CFAP46: variants seen among roughly 807,000 people sequenced by gnomAD.
CFAP46 encodes cilia- and flagella-associated protein 46.
In CFAP46, 245 loss-of-function variants were observed where a neutral mutation model predicts 325.7. That is an observed-to-expected ratio of 0.75 (90% CI 0.68 to 0.84). The LOEUF (loss-of-function observed/expected upper bound fraction) is 0.84. Ranked by LOEUF, CFAP46 falls within the 40% of genes least tolerant of loss-of-function variation. The pLI, the probability that CFAP46 is intolerant of heterozygous loss-of-function variation, is 0.00. For synonymous variants in CFAP46, 1,523 were observed against 1,495.9 expected (o/e 1.02, Z -0.42); for missense variants, 3,346 against 3,543.0 (o/e 0.94, Z 1.41).
chr10:132,910,159 C>G lies in CFAP46; in HGVS notation c.2500-91G>C, dbSNP rs145384274. On this transcript the variant is annotated intron_variant, in intron 19 of 57. Coordinates refer to ENST00000368586, the MANE Select transcript of CFAP46 (RefSeq NM_001200049.3). ...GAACCATTAAAAGATGGATGGAGCC[C>G]GCTCCTGATCCAGCCCGTGAAGGGC... 4 of 1,218,574 alleles carry G rather than the reference C, an allele frequency of 3.3e-6. No individual in the cohort carries two copies. The South Asian group carries it at 9.6e-5, about 29-fold the overall frequency. 75.5% of individuals were successfully genotyped at this position (1,218,574 alleles called of 1,614,324 possible). A position where few individuals can be genotyped will look rare whatever the true frequency, so the allele number is the denominator to read the frequency against.
Position 132,876,538 on chromosome 10 carries a change from C to A in CFAP46, c.4362+274G>T, listed in dbSNP as rs1393481637. Among the ~76,000 whole-genome samples, 1 of 152,172 alleles carries A rather than the reference C, an allele frequency of 6.6e-6. No homozygotes were observed. The highest frequency in any genetic ancestry group is 2.4e-5 in the African/African-American group (1 of 41,448). ...GGGGATCAATTTCTGTTGTTTTAAC[C>A]ATGCGGTTGTGGGAGCTTGTCATGA... On this transcript the variant is annotated intron_variant, in intron 31 of 57. Transcript: ENST00000368586. The surrounding 1 kb of genome is among the most constrained non-coding windows in gnomAD (Gnocchi z 4.1).
At chr10:132,844,415 C>T (rs570235578) in intron 44 of CFAP46, among the ~76,000 whole-genome samples, 34 of 152,314 alleles carry the variant, frequency 2.2e-4, no homozygotes, top group Middle Eastern at 6.8e-3. Context: ...GTTCTCATTG[C>T]TTCCACGGCT....
chr10:132,835,547 G>A (rs1337680305), intron 46 of CFAP46, 113 bp from the exon 47 acceptor site: 1 of 1,348,722 alleles, frequency 7.4e-7, no homozygotes, highest in African/African-American at 1.4e-5. Flanking sequence ...AGGCTGCATG[G>A]ATGGAAGTCC....
intron 26 of CFAP46, 126 bp from the exon 27 acceptor site, chr10:132,885,412 T>C: frequency 1.0e-6 from 1 of 956,472 alleles, no homozygotes; most frequent in Non-Finnish European, 1.5e-6. Flanking sequence ...AGAGCCCAGG[T>C]GAGCGGGGGT....
chr10:132,867,483 T>A lies in CFAP46; in HGVS notation c.4635A>T (p.Lys1545Asn). 1 of 1,550,348 alleles carries A rather than the reference T, an allele frequency of 6.5e-7. No homozygotes were observed. The highest frequency in any genetic ancestry group is 8.7e-7 in the Non-Finnish European group (1 of 1,146,982). ...ATAAAGGCTCCTTATTTTTCTCTTT[T>A]TTCAACGCGATCTCTTTTCTGCAGC... is the stretch of plus-strand genomic sequence containing the variant. ...QASCRKEIALKKEKNKEPLLE... is the reference protein window; with the variant it reads ...QASCRKEIALNKEKNKEPLLE... Residue 1545 changes from lysine to asparagine, a missense_variant, in exon 34 of 58, where the codon AAA becomes AAT. Lys to Asn is a moderately conservative substitution (Grantham distance 94). Transcript: ENST00000368586.
intron 39 of CFAP46, among the ~76,000 whole-genome samples, chr10:132,856,461 A>G (rs550079796): frequency 6.6e-6 from 1 of 152,078 alleles, no homozygotes; most frequent in Non-Finnish European, 1.5e-5. Flanking sequence ...TTCCAATTAC[A>G]CCTATATTCG....
At chr10:132,879,396 A>G in intron 29 of CFAP46, 30 bp downstream of exon 29, 1 of 1,455,852 alleles carries the variant, frequency 6.9e-7, no homozygotes, top group Non-Finnish European at 9.1e-7. Flanking sequence ...GAGGTGCTGC[A>G]GGAGCAGGGG....
At position 132,919,877 on chromosome 10, in the gene CFAP46, G is replaced by A. The variant is rs1591091453; in HGVS notation, c.1730+182C>T. Among the ~76,000 whole-genome samples, 1 of 152,122 alleles carries A rather than the reference G, an allele frequency of 6.6e-6. No individual in the cohort carries two copies. The highest frequency in any genetic ancestry group is 2.1e-4 in the South Asian group (1 of 4,828). On this transcript the variant is annotated intron_variant, in intron 14 of 57. Transcript: ENST00000368586. This position sits in a 1 kb window ranked among gnomAD's most constrained non-coding sequence, Gnocchi z 9.7. ...GCCGTGGCTGTCATCACAGGCTGGG[G>A]GGTCCCGTCTGTGGCGGGACTCCCA...
At chr10:132,866,307 G>A (rs1276198170) in intron 34 of CFAP46, 136 bp from the exon 35 acceptor site, 1 of 949,582 alleles carries the variant, frequency 1.1e-6, no homozygotes, top group Non-Finnish European at 1.4e-6. Flanking sequence ...TGCTGGCCTA[G>A]GCACCATGGG....
chr10:132,941,830 C>T, intron 2 of CFAP46, 108 bp from the exon 3 acceptor site: 1 of 1,548,690 alleles, frequency 6.5e-7, no homozygotes, highest in Non-Finnish European at 8.7e-7. Flanking sequence ...CAGGTGGAGC[C>T]TGTTTCCAGC....
intron 17 of CFAP46, 123 bp from the exon 18 acceptor site, chr10:132,913,381 G>GGGGGGGGGGGC: frequency 5.7e-6 from 2 of 350,508 alleles, no homozygotes; most frequent in Non-Finnish European, 1.1e-5. Context: ...GGGCGGGTGG[G>GGGGGGGGGGGC]CGGCGACCAA....
At position 132,846,177 on chromosome 10, in the gene CFAP46, G is replaced by C. The variant is rs376045161; in HGVS notation, c.6318C>G (p.Ala2106=). Residue 2106 remains alanine, a synonymous_variant, in exon 44 of 58, where the codon GCC becomes GCG. Transcript: ENST00000368586. Reference sequence around the variant, plus strand: ...CCGCCAGCTGTGAGCTGCTGGTGTTGGCTGTGGCTGCAAGCAGGACATCCC... The same window carrying C: ...CCGCCAGCTGTGAGCTGCTGGTGTTCGCTGTGGCTGCAAGCAGGACATCCC... ...TMRDVLLAAT[A]NTSSSQLAAL... 1 of 1,611,800 alleles carries C rather than the reference G, an allele frequency of 6.2e-7. No homozygotes were observed.
chr10:132,916,287 C>A (rs1345547641), intron 17 of CFAP46, among the ~76,000 whole-genome samples: 1 of 152,232 alleles, frequency 6.6e-6, no homozygotes, highest in Non-Finnish European at 1.5e-5. Flanking sequence ...GGAAAAGACA[C>A]TCCTGAACGT....
At chr10:132,899,712 T>TTGGGTCCTCCCTCCC in intron 22 of CFAP46, 46 bp from the exon 23 acceptor site, 1 of 1,523,016 alleles carries the variant, frequency 6.6e-7, no homozygotes, top group Non-Finnish European at 8.8e-7. Context: ...GTGGCCCACC[T>TTGGGTCCTCCCTCCC]TGGGTCCTCC....
At chr10:132,935,344 G>C (rs570228529) in intron 7 of CFAP46, among the ~76,000 whole-genome samples, 1 of 134,668 alleles carries the variant, frequency 7.4e-6, no homozygotes, top group East Asian at 2.1e-4. Context: ...CAAACCCACT[G>C]TGATCTCCTC....
In CFAP46 at chr10:132,942,091, C is replaced by T; in HGVS notation, c.63G>A (p.Leu21=). The change falls in exon 2 of 58, where the codon TTG becomes TTA. Residue 21 remains leucine (L), a synonymous_variant. Transcript: ENST00000368586. ...RAESQQDAAS[L]KKAYELIKSA... ...ATTTGATCAACTCGTAGGCCTTCTTCAAGGACGCAGCATCTGTCCCAAACG... is the reference window on the plus strand; with the variant it reads ...ATTTGATCAACTCGTAGGCCTTCTTTAAGGACGCAGCATCTGTCCCAAACG... 1 of 1,551,694 alleles carries T rather than the reference C, an allele frequency of 6.4e-7. No individual in the cohort carries two copies. Among genetic ancestry groups the T allele is most frequent in the African/African-American group, 1.4e-5 (1 of 73,190 alleles).
At chr10:132,931,379 CAGAGCCTGGGCCTTCCTCCTCCCCAAAA>C (rs1298134854) in intron 8 of CFAP46, among the ~76,000 whole-genome samples, 68 of 145,992 alleles carry the variant, frequency 4.7e-4, no homozygotes, top group African/African-American at 1.6e-3. Flanking sequence ...CCTCCCCACA[CAGAGCCTGGGCCTTCCTCCTCCCCAAAA>C]AGAGCCTGGG....
intron 17 of CFAP46, 104 bp from the exon 18 acceptor site, chr10:132,913,362 AAG>A: frequency 2.6e-6 from 1 of 388,524 alleles, no homozygotes; most frequent in East Asian, 7.1e-5. Flanking sequence ...GCAGGGCAAG[AAG>A]TGGGAGGGGC....
At chr10:132,839,243 A>AC (rs1430960968) in intron 44 of CFAP46, among the ~76,000 whole-genome samples, 1 of 152,042 alleles carries the variant, frequency 6.6e-6, no homozygotes, top group Non-Finnish European at 1.5e-5. Flanking sequence ...TACGGCTCCT[A>AC]CCCTGTGTCT....
Sources: gnomAD v4.1 joint callset for allele counts (sites outside exome capture counted in the v4.1 genomes callset) on GRCh38, gnomAD v4.1.1 for gene constraint, Gnocchi (gnomAD v3.1) non-coding constraint, MANE v1.5 for transcripts, NCBI Gene and HGNC (gene_info 2026-07-23, HGNC 2026-07-21) for gene names.